Variants in PHKB observed in about 807,000 individuals in gnomAD.
PHKB encodes the protein phosphorylase kinase regulatory subunit beta.
PHKB carries 122 observed loss-of-function variants against 152.1 expected under a neutral mutation model. The ratio of observed to expected loss-of-function variants is 0.80; its 90% CI spans 0.69 to 0.93. PHKB has a LOEUF of 0.93. PHKB is among the 40% of genes least tolerant of loss of function. PHKB has a pLI of 0.00. For synonymous variants in PHKB, 436 were observed against 464.9 expected (o/e 0.94, Z 0.80); for missense variants, 1,304 against 1,328.4 (o/e 0.98, Z 0.29).
intron 1 of PHKB, among the ~76,000 whole-genome samples, chr16:47,470,788 A>G (rs749921010): frequency 1.3e-5 from 2 of 152,156 alleles, no homozygotes; most frequent in Admixed American, 6.5e-5. Context: ...TTCTTCTTTC[A>G]TTCATTTCTA....
intron 1 of PHKB, among the ~76,000 whole-genome samples, chr16:47,490,568 G>A (rs1017833312): frequency 6.6e-6 from 1 of 152,046 alleles, no homozygotes; most frequent in African/African-American, 2.4e-5. Context: ...GGCTCCAGGG[G>A]CCCTCTAAAG....
intron 10 of PHKB, among the ~76,000 whole-genome samples, chr16:47,591,392 C>G (rs1317247368): frequency 1.3e-5 from 2 of 152,174 alleles, no homozygotes; most frequent in Non-Finnish European, 2.9e-5. Flanking sequence ...GTGCTGGCTT[C>G]AATCCATTTA....
intron 6 of PHKB, among the ~76,000 whole-genome samples, chr16:47,517,707 G>A (rs1463244404): frequency 6.6e-6 from 1 of 151,968 alleles, no homozygotes; most frequent in South Asian, 2.1e-4. Flanking sequence ...TATGGCTTAT[G>A]TAAGCTTTAA....
intron 25 of PHKB, chr16:47,665,559 C>T (rs1346689447): frequency 3.2e-6 from 1 of 312,426 alleles, no homozygotes; most frequent in Non-Finnish European, 6.1e-6. Context: ...AAATAGGTCA[C>T]ATGTACTAGT....
intron 7 of PHKB, among the ~76,000 whole-genome samples, chr16:47,549,231 A>G (rs145123595): frequency 4.6e-5 from 7 of 152,250 alleles, no homozygotes; most frequent in African/African-American, 9.6e-5. Flanking sequence ...CACTCAAATT[A>G]TAAGAAATTT....
chr16:47,671,727 T>TA (rs1567350120), intron 26 of PHKB, among the ~76,000 whole-genome samples: 1 of 152,202 alleles, frequency 6.6e-6, no homozygotes, highest in Non-Finnish European at 1.5e-5. Context: ...ACCATAAAGA[T>TA]ATATTTTGCA....
intron 8 of PHKB, among the ~76,000 whole-genome samples, chr16:47,581,170 A>G (rs573517644): frequency 2.3e-3 from 349 of 152,334 alleles, no homozygotes; most frequent in Middle Eastern, 0.014. Context: ...AAAAAACGAC[A>G]TGGTTTTTGT....
chr16:47,698,353 A>G (rs1024752865), intron 29 of PHKB, 95 bp from the exon 30 acceptor site: 1 of 937,846 alleles, frequency 1.1e-6, no homozygotes, highest in Admixed American at 1.7e-5. Flanking sequence ...CATCATATAG[A>G]ATATCCTTTG....
intron 1 of PHKB, among the ~76,000 whole-genome samples, chr16:47,479,727 T>A (rs983980869): frequency 6.6e-6 from 1 of 152,200 alleles, no homozygotes. Flanking sequence ...GGGCTCTGAA[T>A]TAAGCATCCT....
intron 8 of PHKB, among the ~76,000 whole-genome samples, chr16:47,583,023 C>T (rs1327778095): frequency 3.3e-5 from 5 of 152,172 alleles, no homozygotes. Context: ...TCTTGAACTC[C>T]TTACCTCAGG....
Position 47,663,702 on chromosome 16 carries a change from A to G in PHKB, c.2304A>G (p.Arg768=). ...KEGTVSDHIE[R]VYRRAGSQKL... is the part of the protein sequence containing the mutation. ...GTACCGTTTCTGATCACATTGAGAG[A>G]GTCTATAGAAGAGCTGGCAGCCAAA... is the stretch of plus-strand genomic sequence containing the variant. The change falls in exon 24 of 31, where the codon AGA becomes AGG. Residue 768 remains arginine, a synonymous_variant. Transcript: ENST00000323584. 1 of 1,612,486 alleles carries G rather than the reference A, an allele frequency of 6.2e-7. No homozygotes were observed. Among genetic ancestry groups the G allele is most frequent in the Non-Finnish European group, 8.5e-7 (1 of 1,178,618 alleles).
At chr16:47,689,251 A>G (rs1974018678) in intron 27 of PHKB, 76 bp downstream of exon 27, 3 of 1,423,978 alleles carry the variant, frequency 2.1e-6, no homozygotes, top group African/African-American at 1.4e-5. Context: ...TGATATATCT[A>G]TGAAATTGAT....
Position 47,479,291 on chromosome 16 carries a change from A to G in PHKB, c.76+17865A>G, listed in dbSNP as rs1969923975. On this transcript the variant is annotated intron_variant, in intron 1 of 30. Coordinates refer to ENST00000323584, the MANE Select transcript of PHKB (RefSeq NM_000293.3). ...AAGATCTTAAAGCAAGCTTTGATGAACAAGATGTTAGTTTTGATATTTAAG... is the reference window on the plus strand; with the variant it reads ...AAGATCTTAAAGCAAGCTTTGATGAGCAAGATGTTAGTTTTGATATTTAAG... 3.3e-5 allele frequency among the ~76,000 whole-genome samples: 5 copies of G among 152,280 alleles called. No individual in the cohort carries two copies. The South Asian group carries it at 1.0e-3, about 32-fold the overall frequency.
chr16:47,563,994 CTTTTTT>C (rs899061752), intron 7 of PHKB, among the ~76,000 whole-genome samples: 1 of 82,048 alleles, frequency 1.2e-5, no homozygotes. Flanking sequence ...TTATTTCATT[CTTTTTT>C]TTTTTTTTTT....
At chr16:47,630,258 G>A (rs1972802527) in intron 14 of PHKB, among the ~76,000 whole-genome samples, 1 of 152,182 alleles carries the variant, frequency 6.6e-6, no homozygotes, top group African/African-American at 2.4e-5. Context: ...GAGGTGGGCA[G>A]ATCACCTGAG....
At chr16:47,683,023 G>A (rs1436041432) in intron 26 of PHKB, among the ~76,000 whole-genome samples, 1 of 152,212 alleles carries the variant, frequency 6.6e-6, no homozygotes, top group Non-Finnish European at 1.5e-5. Flanking sequence ...GTTTGCTAGA[G>A]GTCCACTCCA....
rs1278985365 is a variant in PHKB, at chr16:47,660,753, G to A, written c.2130G>A (p.Gln710=). ...CCCCTAGTGCTCCTGAACTGGGACA[G>A]CAGCCGGATGTCAACATTAGTGAAT... ...SSTPSAPELG[Q]QPDVNISEWK... The change falls in exon 22 of 31, where the codon CAG becomes CAA. Residue 710 remains glutamine, a synonymous_variant. Coordinates refer to ENST00000323584, the MANE Select transcript of PHKB (RefSeq NM_000293.3). 6.2e-7 allele frequency: 1 copy of A among 1,614,150 alleles called. No homozygotes were observed. Among genetic ancestry groups the A allele is most frequent in the Non-Finnish European group, 8.5e-7 (1 of 1,179,990 alleles).
intron 14 of PHKB, among the ~76,000 whole-genome samples, chr16:47,639,804 C>T (rs1231868295): frequency 7.2e-5 from 11 of 152,070 alleles, no homozygotes; most frequent in Non-Finnish European, 1.6e-4. Flanking sequence ...ATGGCCTATT[C>T]TAAGGTTACT....
intron 10 of PHKB, among the ~76,000 whole-genome samples, chr16:47,593,027 G>A (rs932591247): frequency 2.7e-5 from 4 of 148,716 alleles, no homozygotes; most frequent in African/African-American, 9.8e-5. Context: ...AAGATAAGAG[G>A]ATCTCTTGAG....
Sources: gnomAD v4.1 joint callset for allele counts (sites outside exome capture counted in the v4.1 genomes callset) on GRCh38, gnomAD v4.1.1 for gene constraint, MANE v1.5 for transcripts, NCBI Gene and HGNC (gene_info 2026-07-23, HGNC 2026-07-21) for gene names.